TMEM8B: variants seen among roughly 807,000 people sequenced by gnomAD.
The protein encoded by TMEM8B is nasopharyngeal carcinoma expressed 6.
Under a neutral mutation model 49.3 loss-of-function variants are expected in TMEM8B, and 29 were observed. The observed-to-expected ratio is 0.59, with a 90% CI of 0.44 to 0.80. TMEM8B has a LOEUF of 0.80. TMEM8B is among the 30% of genes least tolerant of loss of function. The pLI, the probability that TMEM8B is intolerant of heterozygous loss-of-function variation, is 0.00. For synonymous variants in TMEM8B, 264 were observed against 272.8 expected (o/e 0.97, Z 0.32); for missense variants, 575 against 658.5 (o/e 0.87, Z 1.39).
chr9:35,833,620 A>T (rs1830135473), intron 1 of TMEM8B, among the ~76,000 whole-genome samples: 1 of 152,178 alleles, frequency 6.6e-6, no homozygotes, highest in Admixed American at 6.5e-5. Context: ...CCTGCTCTGA[A>T]TATTCCCAAG....
At position 35,865,129 on chromosome 9, in the gene TMEM8B, G is replaced by T. The variant is rs999808534; in HGVS notation, c.*11289G>T. On this transcript the variant is annotated 3_prime_UTR_variant, in exon 13 of 13. Coordinates refer to ENST00000643932, the MANE Select transcript of TMEM8B (RefSeq NM_001042590.4). ...TGAGGTGAAGTGGGCATAGGAGAGA[G>T]AGTGGACAGAGAATCTGAATACTGG... 1.3e-5 allele frequency: 2 copies of T among 152,260 alleles called. No homozygotes were observed. The highest frequency in any genetic ancestry group is 6.5e-5 in the Admixed American group (1 of 15,282). 9.4% of individuals were successfully genotyped at this position (152,260 alleles called of 1,614,324 possible).
chr9:35,839,440 G>A (rs776766878), intron 3 of TMEM8B, among the ~76,000 whole-genome samples: 1 of 152,144 alleles, frequency 6.6e-6, no homozygotes, highest in Non-Finnish European at 1.5e-5. Context: ...CCCATCACTG[G>A]GTGACGGTTC....
At chr9:35,837,104 G>A (rs1290909105) in intron 3 of TMEM8B, among the ~76,000 whole-genome samples, 1 of 152,118 alleles carries the variant, frequency 6.6e-6, no homozygotes, top group African/African-American at 2.4e-5. Context: ...CATGCTTCCT[G>A]TAAGGCTTGA....
intron 8 of TMEM8B, 43 bp from the exon 9 acceptor site, chr9:35,846,426 G>A (rs778919270): frequency 1.0e-4 from 163 of 1,599,496 alleles, no homozygotes; most frequent in Non-Finnish European, 1.3e-4. Context: ...GGGACTTGGC[G>A]GGGGTGGCCC....
At chr9:35,843,785 C>T (rs989484617) in intron 6 of TMEM8B, among the ~76,000 whole-genome samples, 2 of 151,610 alleles carry the variant, frequency 1.3e-5, no homozygotes, top group African/African-American at 4.9e-5. Flanking sequence ...TTTTTTGAGA[C>T]GGAGTCTCAC....
intron 6 of TMEM8B, among the ~76,000 whole-genome samples, chr9:35,843,633 T>TG (rs1382968238): frequency 6.6e-6 from 1 of 152,262 alleles, no homozygotes; most frequent in African/African-American, 2.4e-5. Flanking sequence ...CTGAGATCCC[T>TG]GGGTCTTTTC....
chr9:35,843,597 T>C (rs942512335), intron 6 of TMEM8B, among the ~76,000 whole-genome samples: 1 of 152,228 alleles, frequency 6.6e-6, no homozygotes, highest in African/African-American at 2.4e-5. Flanking sequence ...CATTACACTG[T>C]GGGATCACCT....
intron 1 of TMEM8B, among the ~76,000 whole-genome samples, chr9:35,830,224 C>T (rs569743955): frequency 6.6e-6 from 1 of 152,290 alleles, no homozygotes; most frequent in Non-Finnish European, 1.5e-5. Context: ...CCCACTTTGA[C>T]TCTTGCTTTT....
At chr9:35,847,101 T>C in intron 10 of TMEM8B, 106 bp downstream of exon 10, 1 of 1,614,236 alleles carries the variant, frequency 6.2e-7, no homozygotes, top group Middle Eastern at 1.6e-4. Context: ...GTCTGTGCCT[T>C]CACTGTGTCT....
At chr9:35,852,318 C>G (rs893204864) in intron 10 of TMEM8B, among the ~76,000 whole-genome samples, 6 of 152,146 alleles carry the variant, frequency 3.9e-5, no homozygotes, top group Non-Finnish European at 5.9e-5. Flanking sequence ...GCCACACACT[C>G]CCCGCATTTG....
At chr9:35,851,853 G>A (rs2132392956) in intron 10 of TMEM8B, among the ~76,000 whole-genome samples, 1 of 152,250 alleles carries the variant, frequency 6.6e-6, no homozygotes, top group East Asian at 1.9e-4. Flanking sequence ...TAAATGATTG[G>A]ATGACATCTT....
rs964775782 is a variant in TMEM8B at position 35,865,380 on chromosome 9, C to T, written c.*11540C>T. The T allele has an allele frequency of 2.0e-5, 3 of 152,212 alleles. No homozygotes were observed. Among genetic ancestry groups the T allele is most frequent in the African/African-American group, 7.2e-5 (3 of 41,448 alleles). The allele number at this position is 152,212 out of a possible 1,614,324, so 9.4% of individuals were successfully genotyped here. A position where few individuals can be genotyped will look rare whatever the true frequency, so the allele number is the denominator to read the frequency against. On this transcript the variant is annotated 3_prime_UTR_variant, in exon 13 of 13. Transcript: ENST00000643932. Reference sequence around the variant, plus strand: ...GGATTTAATCAGGCATCTGTTTTTACAGATTTCTTTATTCCTGTTCCCTCC... The same window carrying T: ...GGATTTAATCAGGCATCTGTTTTTATAGATTTCTTTATTCCTGTTCCCTCC...
At chr9:35,837,419 T>C (rs1830546727) in intron 3 of TMEM8B, among the ~76,000 whole-genome samples, 2 of 151,840 alleles carry the variant, frequency 1.3e-5, no homozygotes, top group African/African-American at 4.8e-5. Flanking sequence ...AGGTCTGAGG[T>C]TGAGAAGGCA....
chr9:35,846,012 G>C lies in TMEM8B; in HGVS notation c.1673G>C (p.Cys558Ser). ...CAGGAAAACGTGACGGTGTTTGGAT[G>C]CTTGACTCACGAGGTGCCCTTGAGC... ...VRQENVTVFG[C>S]LTHEVPLSLG... Residue 558 changes from cysteine to serine, a missense_variant, in exon 7 of 13, where the codon TGC becomes TCC. Cys to Ser is a moderately radical substitution (Grantham distance 112, BLOSUM62 -1). Transcript: ENST00000643932. The C allele has an allele frequency of 1.2e-6, 2 of 1,614,002 alleles. No individual in the cohort carries two copies. Among genetic ancestry groups the C allele is most frequent in the Non-Finnish European group, 1.7e-6 (2 of 1,179,996 alleles).
rs1832333296 is a variant in TMEM8B, at chr9:35,853,410, C to T, written c.2440-95C>T. ...CCAGTCTTGGCAGGTGTCTTTAGGT[C>T]ACAACCAGGATACAGAGGAAACCTG... On this transcript the variant is annotated intron_variant, in intron 12 of 12. Coordinates refer to ENST00000643932, the MANE Select transcript of TMEM8B (RefSeq NM_001042590.4). The surrounding 1 kb of genome is among the most constrained non-coding windows in gnomAD (Gnocchi z 4.2). 6.6e-7 allele frequency: 1 copy of T among 1,522,956 alleles called. No individual in the cohort carries two copies. Among genetic ancestry groups the T allele is most frequent in the South Asian group, 1.3e-5 (1 of 79,680 alleles). The allele number at this position is 1,522,956 out of a possible 1,614,324, so 94.3% of individuals were successfully genotyped here. A position where few individuals can be genotyped will look rare whatever the true frequency, so the allele number is the denominator to read the frequency against.
intron 7 of TMEM8B, 93 bp from the exon 8 acceptor site, chr9:35,846,164 TA>T (rs986889799): frequency 6.2e-7 from 1 of 1,606,400 alleles, no homozygotes; most frequent in African/African-American, 1.3e-5. Context: ...GGAGGAATGA[TA>T]GGCTAGGGTT....
chr9:35,841,169 G>T lies in TMEM8B; in HGVS notation c.942G>T (p.Pro314=), dbSNP rs571753174. 3 of 415,986 alleles carry T rather than the reference G, an allele frequency of 7.2e-6. No homozygotes were observed. In the East Asian group the frequency reaches 1.1e-4, roughly 15 times the overall value. 25.8% of individuals were successfully genotyped at this position (415,986 alleles called of 1,614,324 possible). A position where few individuals can be genotyped will look rare whatever the true frequency, so the allele number is the denominator to read the frequency against. ...ATGAGTGTCAGTACCTCCTTCAGCC[G>T]CAGCTGATTGTCCGGCGTTTGCTGG... The part of the protein sequence containing the change: ...LQDECQYLLQ[P]QLIVRRLLDV... The change falls in exon 4 of 13, where the codon CCG becomes CCT. Residue 314 remains proline, a synonymous_variant. Transcript: ENST00000643932. The surrounding 1 kb of genome is among the most constrained non-coding windows in gnomAD (Gnocchi z 5.9).
Position 35,854,500 on chromosome 9 carries a change from G to A in TMEM8B, c.*660G>A. On this transcript the variant is annotated 3_prime_UTR_variant, in exon 13 of 13. Transcript: ENST00000643932. ...AAGTGGGGAAAGAGGGCCCCTCAGG[G>A]AATCAGCAGGGCTGATGGGAGCTAC... is the stretch of plus-strand genomic sequence containing the variant. The A allele has an allele frequency of 6.6e-6, 1 of 152,446 alleles. No individual in the cohort carries two copies. The highest frequency in any genetic ancestry group is 1.5e-5 in the Non-Finnish European group (1 of 68,170). The allele number at this position is 152,446 out of a possible 1,614,324, so 9.4% of individuals were successfully genotyped here.
In TMEM8B at chr9:35,862,576, C is replaced by T. The variant is rs1304814412; in HGVS notation, c.*8736C>T. ...CTCCTGCCTTGCCTCCACCGCATCC[C>T]TCATGCACACCTGCTGCAGCCTCAT... On this transcript the variant is annotated 3_prime_UTR_variant, in exon 13 of 13. Transcript: ENST00000643932. The T allele has an allele frequency of 1.3e-5, 2 of 152,466 alleles. No individual in the cohort carries two copies. Among genetic ancestry groups the T allele is most frequent in the African/African-American group, 2.4e-5 (1 of 41,460 alleles). The allele number at this position is 152,466 out of a possible 1,614,324, so 9.4% of individuals were successfully genotyped here. A position where few individuals can be genotyped will look rare whatever the true frequency, so the allele number is the denominator to read the frequency against.
Sources: allele counts gnomAD v4.1 joint callset (sites outside exome capture counted in the v4.1 genomes callset), GRCh38; gene constraint gnomAD v4.1.1; non-coding constraint Gnocchi (gnomAD v3.1); transcripts MANE v1.5; gene names NCBI Gene and HGNC (gene_info 2026-07-23, HGNC 2026-07-21).